Variants in PCDH12 observed in about 807,000 individuals in gnomAD.
The protein encoded by PCDH12 is protocadherin 12, also known as protocadherin-12.
In PCDH12, 45 loss-of-function variants were observed where a neutral mutation model predicts 70.9. The ratio of observed to expected loss-of-function variants is 0.63; its 90% CI spans 0.50 to 0.81. The LOEUF is 0.81. Ranked by LOEUF, PCDH12 falls within the 40% of genes least tolerant of loss-of-function variation. PCDH12 has a pLI of 0.00. For missense variants in PCDH12, 1,370 were observed against 1,491.7 expected, an observed-to-expected ratio of 0.92 and a Z score of 1.34; for synonymous variants, 567 against 626.0, an observed-to-expected ratio of 0.91 and a Z score of 1.41.
In PCDH12 at chr5:141,945,552, G is replaced by C; in HGVS notation, c.3384C>G (p.Pro1128=). The C allele has an allele frequency of 6.2e-7, 1 of 1,613,918 alleles. No individual in the cohort carries two copies. Among genetic ancestry groups the C allele is most frequent in the Non-Finnish European group, 8.5e-7 (1 of 1,179,990 alleles). The change falls in exon 4 of 4, where the codon CCC becomes CCG. Residue 1128 remains proline (P), a synonymous_variant. Transcript: ENST00000231484. ...EMLLEQRSSM[P]VEAASEALRR... is the part of the protein sequence containing the mutation. Reference sequence around the variant, plus strand: ...GCAGCGCCTCGGAGGCGGCCTCCACGGGCATGCTGGAGCGCTGTTCCAGCA... The same window carrying C: ...GCAGCGCCTCGGAGGCGGCCTCCACCGGCATGCTGGAGCGCTGTTCCAGCA...
rs1431868377 is a variant in PCDH12 at position 141,957,241 on chromosome 5, C to G, written c.611G>C (p.Arg204Thr). ...AELIVVKELD[R>T]EIHSFFDLVL... is the part of the protein sequence containing the mutation. ...CAGATCAAAAAATGAATGGATTTCC[C>G]TGTCCAGCTCCTTCACCACTATGAG... The change falls in exon 1 of 4, where the codon AGG becomes ACG. Residue 204 changes from arginine (R) to threonine (T), a missense_variant. Arg to Thr is a moderately conservative substitution (Grantham distance 71). Transcript: ENST00000231484. The surrounding 1 kb of genome is among the most constrained non-coding windows in gnomAD (Gnocchi z 4.3). The G allele has an allele frequency of 1.9e-6, 3 of 1,614,026 alleles. No individual in the cohort carries two copies. Among genetic ancestry groups the G allele is most frequent in the African/African-American group, 2.7e-5 (2 of 74,930 alleles).
rs1752883111 is a variant in PCDH12, at chr5:141,945,398, T to TGCTGCTGCC, written c.3537_3538insGGCAGCAGC (p.Ser1179_Ser1180insGlySerSer). 1 of 1,612,148 alleles carries TGCTGCTGCC rather than the reference T, an allele frequency of 6.2e-7. No individual in the cohort carries two copies. The highest frequency in any genetic ancestry group is 1.3e-5 in the African/African-American group (1 of 74,900). On this transcript the variant is annotated inframe_insertion, in exon 4 of 4. Coordinates refer to ENST00000231484, the MANE Select transcript of PCDH12 (RefSeq NM_016580.4). Reference sequence around the variant, plus strand: ...AGGTATGTTCACAGGCACCTGCTGCTGCTGCTGCTGCCTCTGCTCTTGCCC... The same window carrying TGCTGCTGCC: ...AGGTATGTTCACAGGCACCTGCTGCTGCTGCTGCCGCTGCTGCTGCCTCTGCTCTTGCCC...
Position 141,947,531 on chromosome 5 carries a change from C to T in PCDH12, c.3131-1726G>A, listed in dbSNP as rs371961647. 6.3e-4 allele frequency among the ~76,000 whole-genome samples: 96 copies of T among 152,330 alleles called. 1 individual carries two copies. The South Asian group carries it at 0.015, about 24-fold the overall frequency. Reference sequence around the variant, plus strand: ...TAGCTGCAGGTGGGCACTGGGCCAACCTGGGTTTGATTTCCCAGCTTTGCA... The same window carrying T: ...TAGCTGCAGGTGGGCACTGGGCCAATCTGGGTTTGATTTCCCAGCTTTGCA... On this transcript the variant is annotated intron_variant, in intron 3 of 3. Transcript: ENST00000231484.
Position 141,955,064 on chromosome 5 carries a change from G to C in PCDH12, c.2788C>G (p.Gln930Glu). 2 of 1,614,224 alleles carry C rather than the reference G, an allele frequency of 1.2e-6. No homozygotes were observed. Among genetic ancestry groups the C allele is most frequent in the South Asian group, 2.2e-5 (2 of 91,088 alleles). ...AGCCGGACCAGGCTCCGCAGGATCT[G>C]ACGGGGCCCTGATTCTTTCTCAGGG... ...VSPEKESGPR[Q>E]ILRSLVRLSV... The change falls in exon 1 of 4, where the codon CAG becomes GAG. Residue 930 changes from glutamine (Q) to glutamate (E), a missense_variant. Gln to Glu is a conservative substitution (Grantham distance 29). Transcript: ENST00000231484. The surrounding 1 kb of genome is among the most constrained non-coding windows in gnomAD (Gnocchi z 5.5).
Position 141,957,558 on chromosome 5 carries a change from G to A in PCDH12, c.294C>T (p.Cys98=), listed in dbSNP as rs1166689194. 2 of 1,614,176 alleles carry A rather than the reference G, an allele frequency of 1.2e-6. No homozygotes were observed. Among genetic ancestry groups the A allele is most frequent in the East Asian group, 2.2e-5 (1 of 44,864 alleles). Residue 98 remains cysteine (C), a synonymous_variant, in exon 1 of 4, where the codon TGC becomes TGT. Transcript: ENST00000231484. The surrounding 1 kb of genome is among the most constrained non-coding windows in gnomAD (Gnocchi z 4.3). ...AAACCAGGCAGGGATCCCACTGTCG[G>A]CACAGCTGCTCTCGATCCAGCCGCC... ...TGRRLDREQL[C]RQWDPCLVSF... is the part of the protein sequence containing the mutation.
intron 2 of PCDH12, 94 bp from the exon 3 acceptor site, chr5:141,949,677 A>C: frequency 1.4e-6 from 2 of 1,459,576 alleles, no homozygotes; most frequent in Middle Eastern, 1.8e-4. Context: ...TTACCCATAT[A>C]GGGAACTGGA....
chr5:141,949,579 C>T lies in PCDH12; in HGVS notation c.2983G>A (p.Ala995Thr). The change falls in exon 3 of 4, where the codon GCA becomes ACA. Residue 995 changes from alanine to threonine, a missense_variant. By Grantham distance (58) the Ala-to-Thr change is moderately conservative (BLOSUM62 0). Transcript: ENST00000231484. ...YLAKPGGSRS[A>T]IPDTDGPSAR... Reference sequence around the variant, plus strand: ...CTTGGGCCATCTGTGTCTGGGATTGCACTCCTGCAAAAGAAACCAACCAGT... The same window carrying T: ...CTTGGGCCATCTGTGTCTGGGATTGTACTCCTGCAAAAGAAACCAACCAGT... The T allele has an allele frequency of 6.2e-7, 1 of 1,613,130 alleles. No individual in the cohort carries two copies. The highest frequency in any genetic ancestry group is 2.2e-5 in the East Asian group (1 of 44,884).
intron 3 of PCDH12, 145 bp downstream of exon 3, chr5:141,949,287 G>A: frequency 6.8e-7 from 1 of 1,468,598 alleles, no homozygotes; most frequent in Non-Finnish European, 9.0e-7. Flanking sequence ...TTCTGAGGCT[G>A]CAAGGGTGCA....
At chr5:141,954,824 G>A (rs1035773150) in intron 1 of PCDH12, 148 bp downstream of exon 1, 2 of 1,058,616 alleles carry the variant, frequency 1.9e-6, no homozygotes, top group Non-Finnish European at 2.7e-6. Context: ...ACAAAGCTGT[G>A]CCCTGAACCA....
Position 141,955,988 on chromosome 5 carries a change from C to T in PCDH12, c.1864G>A (p.Val622Met). The T allele has an allele frequency of 6.2e-7, 1 of 1,614,162 alleles. No homozygotes were observed. Among genetic ancestry groups the T allele is most frequent in the Non-Finnish European group, 8.5e-7 (1 of 1,180,046 alleles). Residue 622 changes from valine to methionine, a missense_variant, in exon 1 of 4, where the codon GTG (valine) becomes ATG (methionine). Physicochemically the swap from Val to Met is conservative, Grantham distance 21. Transcript: ENST00000231484. The surrounding 1 kb of genome is among the most constrained non-coding windows in gnomAD (Gnocchi z 5.5). ...GCCCCCGAGTCTGCATCTCTTGCCA[C>T]AATGGTTGTCAAAAGGAATGGCCGG... ...SSRPFLLTTIVARDADSGANG... is the reference protein window; with the variant it reads ...SSRPFLLTTIMARDADSGANG...
In PCDH12 at chr5:141,945,375, G is replaced by A. The variant is rs1441928286; in HGVS notation, c.*6C>T. The A allele has an allele frequency of 1.3e-6, 2 of 1,533,668 alleles. No individual in the cohort carries two copies. The highest frequency in any genetic ancestry group is 1.8e-6 in the Non-Finnish European group (2 of 1,129,546). The stretch of plus-strand genomic sequence containing the variant: ...GTTCTTGGATCCAGAGGCGTCTGAG[G>A]TATGTTCACAGGCACCTGCTGCTGC... On this transcript the variant is annotated 3_prime_UTR_variant, in exon 4 of 4. Coordinates refer to ENST00000231484, the MANE Select transcript of PCDH12 (RefSeq NM_016580.4).
chr5:141,956,545 C>T lies in PCDH12; in HGVS notation c.1307G>A (p.Gly436Glu), dbSNP rs774340238. Residue 436 changes from glycine to glutamate, a missense_variant, in exon 1 of 4, where the codon GGA becomes GAA. Coordinates refer to ENST00000231484, the MANE Select transcript of PCDH12 (RefSeq NM_016580.4). ...YTLTLLAQDQ[G>E]LQPLSAKKQL... ...TTTCTTGGCTGATAAGGGCTGGAGT[C>T]CTTGGTCTTGGGCTAACAGAGTGAG... 8 of 1,614,166 alleles carry T rather than the reference C, an allele frequency of 5.0e-6. No individual in the cohort carries two copies. The Middle Eastern group carries it at 4.9e-4, about 100-fold the overall frequency.
In PCDH12 at chr5:141,955,217, G is replaced by A. The variant is rs61737138; in HGVS notation, c.2635C>T (p.Pro879Ser). ...QPATGQPRSRPLKVAGSPTGR... is the reference protein window; with the variant it reads ...QPATGQPRSRSLKVAGSPTGR... ...GTGGGGCTGCCTGCAACCTTCAGAG[G>A]CCTGGAACGTGGCTGGCCTGTGGCA... Residue 879 changes from proline (P) to serine (S), a missense_variant, in exon 1 of 4, where the codon CCT becomes TCT. Coordinates refer to ENST00000231484, the MANE Select transcript of PCDH12 (RefSeq NM_016580.4). This position sits in a 1 kb window ranked among gnomAD's most constrained non-coding sequence, Gnocchi z 5.5. The A allele has an allele frequency of 1.2e-6, 2 of 1,614,194 alleles. No individual in the cohort carries two copies. Among genetic ancestry groups the A allele is most frequent in the East Asian group, 2.2e-5 (1 of 44,888 alleles).
rs1338822809 is a variant in PCDH12 at position 141,957,721 on chromosome 5, G to C, written c.131C>G (p.Thr44Arg). ...YQVSEEVPSG[T>R]VIGKLSQELG... ...TTCCTGGGACAGCTTCCCGATCACTGTACCAGATGGCACTTCCTCTGACAC... is the reference window on the plus strand; with the variant it reads ...TTCCTGGGACAGCTTCCCGATCACTCTACCAGATGGCACTTCCTCTGACAC... The change falls in exon 1 of 4, where the codon ACA becomes AGA. Residue 44 changes from threonine to arginine, a missense_variant. Thr to Arg is a moderately conservative substitution (Grantham distance 71). Transcript: ENST00000231484. This position sits in a 1 kb window ranked among gnomAD's most constrained non-coding sequence, Gnocchi z 4.3. 6.2e-7 allele frequency: 1 copy of C among 1,613,900 alleles called. No homozygotes were observed. Among genetic ancestry groups the C allele is most frequent in the East Asian group, 2.2e-5 (1 of 44,894 alleles).
intron 3 of PCDH12, among the ~76,000 whole-genome samples, chr5:141,948,737 A>G (rs76593217): frequency 2.6e-5 from 4 of 152,192 alleles, no homozygotes; most frequent in South Asian, 2.1e-4. Flanking sequence ...TGACTCTGGG[A>G]AGGCTACTTG....
chr5:141,958,145 A>C lies in PCDH12; in HGVS notation c.-294T>G. On this transcript the variant is annotated 5_prime_UTR_variant, in exon 1 of 4. Transcript: ENST00000231484. ...CAAATGATGGACAAGAGCTGGTCTA[A>C]GAGGGACCTGACCCAGTTGAGCAGG... The C allele has an allele frequency of 2.5e-6, 1 of 400,184 alleles. No homozygotes were observed. Among genetic ancestry groups the C allele is most frequent in the East Asian group, 4.4e-5 (1 of 22,578 alleles). The allele number at this position is 400,184 out of a possible 1,614,324, so 24.8% of individuals were successfully genotyped here.
rs1561536626 is a variant in PCDH12, at chr5:141,956,601, T to G, written c.1251A>C (p.Thr417=). The stretch of plus-strand genomic sequence containing the variant: ...ATTTGGGCCACTGCTCTCTGTCCAG[T>G]GTGGCATTGGTTAGCAACATGTATG... ...GNTYMLLTNA[T]LDREQWPKYT... Residue 417 remains threonine (T), a synonymous_variant, in exon 1 of 4, where the codon ACA becomes ACC. Transcript: ENST00000231484. 3.7e-6 allele frequency: 6 copies of G among 1,614,192 alleles called. No individual in the cohort carries two copies. Among genetic ancestry groups the G allele is most frequent in the Non-Finnish European group, 3.4e-6 (4 of 1,180,034 alleles).
Position 141,944,231 on chromosome 5 carries a change from C to T in PCDH12, c.*1150G>A, listed in dbSNP as rs917893561. On this transcript the variant is annotated 3_prime_UTR_variant, in exon 4 of 4. Coordinates refer to ENST00000231484, the MANE Select transcript of PCDH12 (RefSeq NM_016580.4). ...TCCTCTGGGATTCACAAGCCTGAAC[C>T]TGCAATGACAGAGGAAGGTTTACCC... 2 of 152,236 alleles carry T rather than the reference C, an allele frequency of 1.3e-5. No individual in the cohort carries two copies. Among genetic ancestry groups the T allele is most frequent in the African/African-American group, 2.4e-5 (1 of 41,450 alleles). The allele number at this position is 152,236 out of a possible 1,614,324, so 9.4% of individuals were successfully genotyped here. A position where few individuals can be genotyped will look rare whatever the true frequency, so the allele number is the denominator to read the frequency against.
Position 141,949,543 on chromosome 5 carries a change from C to T in PCDH12, c.3019G>A (p.Gly1007Arg), listed in dbSNP as rs748640508. 3.1e-6 allele frequency: 5 copies of T among 1,614,160 alleles called. No individual in the cohort carries two copies. In the Admixed American group the frequency reaches 8.3e-5, roughly 27 times the overall value. Residue 1007 changes from glycine to arginine, a missense_variant, in exon 3 of 4, where the codon GGA (glycine) becomes AGA (arginine). Coordinates refer to ENST00000231484, the MANE Select transcript of PCDH12 (RefSeq NM_016580.4). Reference sequence around the variant, plus strand: ...TCCTGTTCTGGGTCTGTCTGGCCTCCAGCCCTTGCACTTGGGCCATCTGTG... The same window carrying T: ...TCCTGTTCTGGGTCTGTCTGGCCTCTAGCCCTTGCACTTGGGCCATCTGTG... ...PDTDGPSARA[G>R]GQTDPEQEEG...
Sources: gnomAD v4.1 joint callset for allele counts (sites outside exome capture counted in the v4.1 genomes callset) on GRCh38, gnomAD v4.1.1 for gene constraint, Gnocchi (gnomAD v3.1) non-coding constraint, MANE v1.5 for transcripts, NCBI Gene and HGNC (gene_info 2026-07-23, HGNC 2026-07-21) for gene names.